The following GPC3 variants were observed in gnomAD, a reference collection of about 807,000 sequenced individuals.
The protein encoded by GPC3 is glypican-3.
A neutral mutation model predicts 34.4 loss-of-function variants in GPC3; 3 were observed. That is an observed-to-expected ratio of 0.09 (90% CI 0.04 to 0.23). The LOEUF (loss-of-function observed/expected upper bound fraction) is 0.23, where lower values mean the gene tolerates loss of function less well. Ranked by LOEUF, GPC3 falls within the 10% of genes least tolerant of loss-of-function variation. The pLI, the probability that GPC3 is intolerant of heterozygous loss-of-function variation, is 1.00. For synonymous variants in GPC3, 177 were observed against 174.0 expected, an observed-to-expected ratio of 1.02 and a Z score of -0.13; for missense variants, 351 against 445.6, an observed-to-expected ratio of 0.79 and a Z score of 1.91.
chrX:133,925,292 C>T (rs1603273704), intron 2 of GPC3, among the ~76,000 whole-genome samples: 1 of 110,315 alleles, frequency 9.1e-6, no homozygotes, highest in East Asian at 2.9e-4. Context: ...AGTGGATATA[C>T]TGATTCTGGA....
intron 4 of GPC3, among the ~76,000 whole-genome samples, chrX:133,696,742 A>G (rs1194725171): frequency 8.9e-6 from 1 of 112,480 alleles, no homozygotes; most frequent in African/African-American, 3.2e-5. Context: ...GATGGGAAAA[A>G]CAATGTGATT....
chrX:133,758,084 C>T (rs888348170), intron 2 of GPC3, among the ~76,000 whole-genome samples: 9 of 111,835 alleles, frequency 8.0e-5, no homozygotes, highest in East Asian at 5.6e-4. Context: ...AACAGGAAGG[C>T]ATTTACACTG....
At chrX:133,638,113 A>T (rs774330115) in intron 6 of GPC3, among the ~76,000 whole-genome samples, 4 of 111,511 alleles carry the variant, frequency 3.6e-5, no homozygotes, top group Non-Finnish European at 7.5e-5. Flanking sequence ...CCTTTAGGGA[A>T]TCTATGTATG....
At chrX:133,542,811 C>T (rs1412949537) in intron 7 of GPC3, among the ~76,000 whole-genome samples, 1 of 111,800 alleles carries the variant, frequency 8.9e-6, no homozygotes, top group East Asian at 2.8e-4. Context: ...ACTGCTCACT[C>T]TGCTGGCTGT....
intron 2 of GPC3, among the ~76,000 whole-genome samples, chrX:133,844,043 T>C (rs188716512): frequency 1.8e-5 from 2 of 111,690 alleles, no homozygotes; most frequent in African/African-American, 3.2e-5. Context: ...AGAGAGAATA[T>C]GGCTAGCAAA....
At chrX:133,556,939 A>AT (rs980708503) in intron 7 of GPC3, among the ~76,000 whole-genome samples, 27 of 108,979 alleles carry the variant, frequency 2.5e-4, no homozygotes, top group East Asian at 5.8e-4. Flanking sequence ...AAAAATAAAG[A>AT]TTTTTTTTTG....
chrX:133,828,096 A>G (rs1172494238), intron 2 of GPC3, among the ~76,000 whole-genome samples: 1 of 111,844 alleles, frequency 8.9e-6, no homozygotes, highest in Non-Finnish European at 1.9e-5. Context: ...ATATATAGTT[A>G]AAAATGATGA....
rs191935604 is a variant in GPC3, at chrX:133,744,103, G to A, written c.1032+9379C>T. ...AATACCATTCAGGACATAGGCACGG[G>A]CAAAGACTTAATGACTAAAACACCA... On this transcript the variant is annotated intron_variant, in intron 3 of 7. Coordinates refer to ENST00000370818, the MANE Select transcript of GPC3 (RefSeq NM_004484.4). Among the ~76,000 whole-genome samples the A allele has an allele frequency of 2.7e-4, 30 of 111,878 alleles. 1 individual carries two copies. In the East Asian group the frequency reaches 8.4e-3, roughly 31 times the overall value.
chrX:133,649,807 C>T (rs1219090886), intron 6 of GPC3, among the ~76,000 whole-genome samples: 2 of 111,943 alleles, frequency 1.8e-5, no homozygotes, highest in Non-Finnish European at 3.8e-5. Flanking sequence ...GCTCAGGCAG[C>T]AGGGGGCAGC....
At chrX:133,841,506 A>G (rs529050149) in intron 2 of GPC3, among the ~76,000 whole-genome samples, 1 of 110,375 alleles carries the variant, frequency 9.1e-6, no homozygotes, top group African/African-American at 3.3e-5. Context: ...AGATATCAGA[A>G]AGAGGGTACA....
chrX:133,753,113 T>C (rs781699068), intron 3 of GPC3, among the ~76,000 whole-genome samples: 16 of 112,234 alleles, frequency 1.4e-4, no homozygotes, highest in Admixed American at 1.4e-3. Flanking sequence ...TAACTGACAA[T>C]AATGCTAATA....
At chrX:133,947,416 G>A (rs189950847) in intron 2 of GPC3, among the ~76,000 whole-genome samples, 9 of 111,386 alleles carry the variant, frequency 8.1e-5, no homozygotes, top group South Asian at 3.9e-4. Flanking sequence ...ATATTGAGTC[G>A]TTTTTCTAAG....
chrX:133,552,694 G>A (rs757827448), intron 7 of GPC3, among the ~76,000 whole-genome samples: 18 of 111,793 alleles, frequency 1.6e-4, no homozygotes, highest in African/African-American at 4.6e-4. Context: ...AAACTAATTC[G>A]CAGTTAGTAG....
chrX:133,805,097 G>A (rs998414299), intron 2 of GPC3, among the ~76,000 whole-genome samples: 2 of 112,015 alleles, frequency 1.8e-5, no homozygotes, highest in Admixed American at 9.5e-5. Flanking sequence ...GTCAAAATTC[G>A]TCCTTGAGTT....
Position 133,768,772 on chromosome X carries a change from C to T in GPC3, c.338-14596G>A, listed in dbSNP as rs1182501674. ...TGACCAACATGGTGAAACCCTGTCT[C>T]TACTAAAAATACAAAAAACTAGCCA... On this transcript the variant is annotated intron_variant, in intron 2 of 7. Coordinates refer to ENST00000370818, the MANE Select transcript of GPC3 (RefSeq NM_004484.4). Among the ~76,000 whole-genome samples, 5 of 110,333 alleles carry T rather than the reference C, an allele frequency of 4.5e-5. 1 individual carries two copies. The highest frequency in any genetic ancestry group is 9.5e-5 in the Non-Finnish European group (5 of 52,827).
chrX:133,692,236 C>CA, intron 5 of GPC3, 133 bp downstream of exon 5: 1 of 697,428 alleles, frequency 1.4e-6, no homozygotes, highest in Non-Finnish European at 2.2e-6. Context: ...TGAGCCACCG[C>CA]ATCCAGCCTC....
chrX:133,882,692 T>C (rs981201613), intron 2 of GPC3, among the ~76,000 whole-genome samples: 2 of 111,452 alleles, frequency 1.8e-5, no homozygotes, highest in Admixed American at 9.6e-5. Context: ...ACTCTATGCC[T>C]ACAGGGAATT....
chrX:133,793,091 C>T (rs1315614525), intron 2 of GPC3, among the ~76,000 whole-genome samples: 1 of 109,615 alleles, frequency 9.1e-6, no homozygotes, highest in African/African-American at 3.3e-5. Flanking sequence ...AAAAAAAAGC[C>T]AACTCCTGGC....
rs748077022 is a variant in GPC3, at chrX:133,558,975, A to C, written c.1574-22682T>G. ...TGTGTCCTCATGAATAAGCCCTTAA[A>C]GTGGACGAGTGGTGGGTGTGGCAGC... On this transcript the variant is annotated intron_variant, in intron 7 of 7. Transcript: ENST00000370818. 6.3e-5 allele frequency among the ~76,000 whole-genome samples: 7 copies of C among 111,701 alleles called. No individual in the cohort carries two copies. In the East Asian group the frequency reaches 1.7e-3, roughly 27 times the overall value.
Sources: allele counts gnomAD v4.1 joint callset (sites outside exome capture counted in the v4.1 genomes callset), GRCh38; gene constraint gnomAD v4.1.1; transcripts MANE v1.5; gene names NCBI Gene and HGNC (gene_info 2026-07-23, HGNC 2026-07-21).